The following PPP1R9A variants were observed in gnomAD, a reference collection of about 807,000 sequenced individuals.
PPP1R9A encodes the protein neurabin-1.
Under a neutral mutation model 141.9 loss-of-function variants are expected in PPP1R9A, and 59 were observed. The ratio of observed to expected loss-of-function variants is 0.42; its 90% CI spans 0.34 to 0.52. The LOEUF is 0.52. PPP1R9A is among the 20% of genes least tolerant of loss of function. The pLI is 0.10. For synonymous variants in PPP1R9A, 500 were observed against 569.7 expected (o/e 0.88, Z 1.74); for missense variants, 1,444 against 1,611.9 (o/e 0.90, Z 1.78).
At chr7:94,919,301 ATT>A (rs757456894) in intron 2 of PPP1R9A, among the ~76,000 whole-genome samples, 34 of 106,170 alleles carry the variant, frequency 3.2e-4, no homozygotes, top group African/African-American at 9.2e-4. Flanking sequence ...GGATAATTAC[ATT>A]TTTTTTTTTT....
chr7:94,990,801 G>A (rs35658701), intron 2 of PPP1R9A, among the ~76,000 whole-genome samples: 1,768 of 151,866 alleles, frequency 0.012, 14 homozygotes, highest in Non-Finnish European at 0.019. Flanking sequence ...GACATGTGGT[G>A]TTTAACTTTC....
chr7:94,963,958 A>G (rs1327801700), intron 2 of PPP1R9A, among the ~76,000 whole-genome samples: 1 of 152,150 alleles, frequency 6.6e-6, no homozygotes, highest in African/African-American at 2.4e-5. Flanking sequence ...GTGTAGGAGA[A>G]TAAGGGCATG....
chr7:95,217,773 A>G (rs1256296312), intron 7 of PPP1R9A, among the ~76,000 whole-genome samples: 1 of 152,166 alleles, frequency 6.6e-6, no homozygotes, highest in Non-Finnish European at 1.5e-5. Context: ...TGTTTATAGT[A>G]TTCTGTGATG....
At chr7:94,965,734 G>T (rs1182593850) in intron 2 of PPP1R9A, among the ~76,000 whole-genome samples, 1 of 151,818 alleles carries the variant, frequency 6.6e-6, no homozygotes, top group Non-Finnish European at 1.5e-5. Context: ...TTGTAGTATA[G>T]TTTGAAGTCA....
At chr7:95,072,342 A>G (rs377508009) in intron 2 of PPP1R9A, among the ~76,000 whole-genome samples, 4 of 144,682 alleles carry the variant, frequency 2.8e-5, no homozygotes, top group East Asian at 3.9e-4. Flanking sequence ...ATAATAATAT[A>G]AGTTATATTA....
chr7:94,965,290 GTTTC>G (rs1472783862), intron 2 of PPP1R9A, among the ~76,000 whole-genome samples: 5 of 151,960 alleles, frequency 3.3e-5, no homozygotes, highest in African/African-American at 1.2e-4. Flanking sequence ...TCTGGTAATA[GTTTC>G]TTTTGCTGTG....
intron 7 of PPP1R9A, among the ~76,000 whole-genome samples, chr7:95,218,725 G>T (rs1273962592): frequency 6.6e-6 from 1 of 152,096 alleles, no homozygotes; most frequent in African/African-American, 2.4e-5. Flanking sequence ...TTATGTAATG[G>T]CCTTCTTTGT....
chr7:95,002,105 A>T (rs1239730906), intron 2 of PPP1R9A, among the ~76,000 whole-genome samples: 2 of 152,210 alleles, frequency 1.3e-5, no homozygotes, highest in African/African-American at 4.8e-5. Context: ...GCCCTTCAAA[A>T]TACCTTTGTG....
At chr7:95,033,565 G>A (rs1312571611) in intron 2 of PPP1R9A, among the ~76,000 whole-genome samples, 2 of 151,912 alleles carry the variant, frequency 1.3e-5, no homozygotes, top group African/African-American at 4.8e-5. Context: ...AGTGCTTTTT[G>A]TGTGTCATTT....
chr7:94,940,498 G>A (rs988604311), intron 2 of PPP1R9A, among the ~76,000 whole-genome samples: 2 of 151,914 alleles, frequency 1.3e-5, no homozygotes, highest in Admixed American at 1.3e-4. Flanking sequence ...AGCCAAAGAT[G>A]ATGCTAATCA....
At chr7:95,227,132 G>A (rs1329777210) in intron 8 of PPP1R9A, among the ~76,000 whole-genome samples, 3 of 152,176 alleles carry the variant, frequency 2.0e-5, no homozygotes, top group Admixed American at 2.0e-4. Context: ...TTTCTCTGCA[G>A]CCCTTATTTG....
chr7:95,265,299 A>G (rs1167549922), intron 12 of PPP1R9A, among the ~76,000 whole-genome samples: 1 of 152,192 alleles, frequency 6.6e-6, no homozygotes, highest in Non-Finnish European at 1.5e-5. Flanking sequence ...GAAGGAGAAT[A>G]GGCTTCTGAA....
At chr7:95,038,102 A>C (rs1808705908) in intron 2 of PPP1R9A, among the ~76,000 whole-genome samples, 1 of 149,950 alleles carries the variant, frequency 6.7e-6, no homozygotes, top group Non-Finnish European at 1.5e-5. Context: ...ACAGAACAAG[A>C]CCATGTCTTA....
At chr7:95,117,442 G>C (rs1377693326) in intron 3 of PPP1R9A, among the ~76,000 whole-genome samples, 1 of 152,092 alleles carries the variant, frequency 6.6e-6, no homozygotes, top group African/African-American at 2.4e-5. Flanking sequence ...TGTTGTCCTT[G>C]TAAGTAATTT....
At chr7:95,160,684 C>A (rs1016238241) in intron 4 of PPP1R9A, among the ~76,000 whole-genome samples, 2 of 152,030 alleles carry the variant, frequency 1.3e-5, no homozygotes, top group Non-Finnish European at 2.9e-5. Context: ...CTCTTCCTTT[C>A]CCCTCTAGTA....
In PPP1R9A at chr7:94,992,767, A is replaced by G. The variant is rs564918942; in HGVS notation, c.1395+81259A>G. ...TGCCTTTTTTTGCAATCATATGTGT[A>G]TCTTATTTTGTGAAAAATTTGCTTA... On this transcript the variant is annotated intron_variant, in intron 2 of 19. Transcript: ENST00000433360. Among the ~76,000 whole-genome samples, 4 of 152,254 alleles carry G rather than the reference A, an allele frequency of 2.6e-5. No homozygotes were observed. In the East Asian group the frequency reaches 5.8e-4, roughly 22 times the overall value.
At chr7:94,930,204 A>G (rs1793980450) in intron 2 of PPP1R9A, among the ~76,000 whole-genome samples, 1 of 152,234 alleles carries the variant, frequency 6.6e-6, no homozygotes, top group Non-Finnish European at 1.5e-5. Context: ...GGGGTAAGAC[A>G]GCAGGAGAGT....
chr7:95,086,111 AG>A lies in PPP1R9A; in HGVS notation c.1396-25146del, dbSNP rs542759128. Among the ~76,000 whole-genome samples the A allele has an allele frequency of 2.4e-4, 36 of 152,046 alleles. 1 individual carries two copies. The highest frequency in any genetic ancestry group is 1.5e-3 in the Admixed American group (23 of 15,276). On this transcript the variant is annotated intron_variant, in intron 2 of 19. Coordinates refer to ENST00000433360, the MANE Select transcript of PPP1R9A (RefSeq NM_001166160.2). The stretch of plus-strand genomic sequence containing the variant: ...AAATTTAAAATAGTTCTAAATTTGT[AG>A]GAAACCTGCAAAGATAGTACAGAGA...
At chr7:94,953,024 T>G (rs1472192701) in intron 2 of PPP1R9A, among the ~76,000 whole-genome samples, 1 of 152,204 alleles carries the variant, frequency 6.6e-6, no homozygotes, top group Admixed American at 6.5e-5. Flanking sequence ...AGCCATGAAG[T>G]CTTTGCCCAT....
Sources: allele counts gnomAD v4.1 joint callset (sites outside exome capture counted in the v4.1 genomes callset), GRCh38; gene constraint gnomAD v4.1.1; transcripts MANE v1.5; gene names NCBI Gene and HGNC (gene_info 2026-07-23, HGNC 2026-07-21).